The following PUDP variants were observed in gnomAD, a reference collection of about 807,000 sequenced individuals.
PUDP encodes pseudouridine-5'-phosphatase.
In PUDP, 8 loss-of-function variants were observed where a neutral mutation model predicts 9.4. That is an observed-to-expected ratio of 0.85 (90% CI 0.50 to 1.53). The LOEUF is 1.53. Ranked by LOEUF, PUDP falls within the 40% of genes most tolerant of loss-of-function variation. The pLI is 0.00. For synonymous variants in PUDP, 99 were observed against 80.7 expected, an observed-to-expected ratio of 1.23 and a Z score of -1.22; for missense variants, 188 against 189.7, an observed-to-expected ratio of 0.99 and a Z score of 0.05.
At chrX:6,850,721 G>A (rs1449451198) in intron 3 of PUDP, among the ~76,000 whole-genome samples, 1 of 112,213 alleles carries the variant, frequency 8.9e-6, no homozygotes, top group Non-Finnish European at 1.9e-5. Context: ...GTATTCTTTA[G>A]GGCTTCTCCA....
chrX:6,794,315 T>G (rs1269332101), intron 3 of PUDP, among the ~76,000 whole-genome samples: 1 of 111,983 alleles, frequency 8.9e-6, no homozygotes, highest in Admixed American at 9.5e-5. Context: ...TGTAACACAA[T>G]AGTATTTATG....
At chrX:6,774,567 C>G (rs1304502648) in intron 3 of PUDP, among the ~76,000 whole-genome samples, 1 of 111,922 alleles carries the variant, frequency 8.9e-6, no homozygotes, top group Non-Finnish European at 1.9e-5. Context: ...GCTTTGTTGC[C>G]TATGTCAACC....
At position 6,809,208 on chromosome X, in the gene PUDP, C is replaced by T. The variant is rs767303821; in HGVS notation, c.*248-102742G>A. Among the ~76,000 whole-genome samples the T allele has an allele frequency of 2.8e-3, 307 of 111,325 alleles. 1 individual carries two copies. Among genetic ancestry groups the T allele is most frequent in the African/African-American group, 9.5e-3 (290 of 30,656 alleles). The stretch of plus-strand genomic sequence containing the variant: ...AAGTTGCCACAGAAAAATGTCCCTT[C>T]TTAGTGGAGAAGAGAGACCACAGGG... On this transcript the variant is annotated intron_variant and NMD_transcript_variant, in intron 3 of 3. Transcript: ENST00000655425.
At chrX:6,990,985 G>A (rs1444420685) in intron 1 of PUDP, among the ~76,000 whole-genome samples, 4 of 112,605 alleles carry the variant, frequency 3.6e-5, no homozygotes, top group Admixed American at 9.3e-5. Flanking sequence ...CAAGAGTGCT[G>A]ATAGTTGCTT....
intron 1 of PUDP, among the ~76,000 whole-genome samples, chrX:7,108,360 G>A (rs773997677): frequency 1.8e-5 from 2 of 111,929 alleles, no homozygotes; most frequent in Admixed American, 9.4e-5. Flanking sequence ...CCTGGGATGG[G>A]GCTGAGGCTG....
At chrX:7,026,685 AGT>A (rs1929715445) in intron 1 of PUDP, among the ~76,000 whole-genome samples, 1 of 111,289 alleles carries the variant, frequency 9.0e-6, no homozygotes, top group African/African-American at 3.3e-5. Context: ...CACCATTGGG[AGT>A]GGGTGCAACT....
intron 1 of PUDP, among the ~76,000 whole-genome samples, chrX:7,016,443 C>T (rs1443852928): frequency 9.0e-6 from 1 of 111,435 alleles, no homozygotes; most frequent in Non-Finnish European, 1.9e-5. Flanking sequence ...GCCTGTCATA[C>T]ACCTTTGGTG....
intron 1 of PUDP, among the ~76,000 whole-genome samples, chrX:6,992,127 G>A (rs945651705): frequency 9.0e-6 from 1 of 110,800 alleles, no homozygotes. Context: ...AAGTTGTTGA[G>A]CTTGAAAGCG....
At chrX:7,066,472 A>G in intron 3 of PUDP, among the ~76,000 whole-genome samples, 1 of 111,415 alleles carries the variant, frequency 9.0e-6, no homozygotes, top group South Asian at 3.9e-4. Flanking sequence ...ACCTCAGATC[A>G]TCAGGCATTA....
At chrX:6,720,285 T>TATAC (rs1426090467) in intron 1 of PUDP, among the ~76,000 whole-genome samples, 1 of 89,928 alleles carries the variant, frequency 1.1e-5, no homozygotes, top group African/African-American at 4.3e-5. Flanking sequence ...TATATATATA[T>TATAC]ATACACACAC....
In PUDP at chrX:7,118,872, C is replaced by T. The variant is rs185990392; in HGVS notation, c.62-13034G>A. ...ATGTTGACTGGGTACCTACTTTGTG[C>T]TAGGCACCAAGAAAAATGTGACAAC... On this transcript the variant is annotated intron_variant, in intron 1 of 3. Transcript: ENST00000381077. Among the ~76,000 whole-genome samples, 6 of 112,108 alleles carry T rather than the reference C, an allele frequency of 5.4e-5. No homozygotes were observed. The East Asian group carries it at 1.7e-3, about 31-fold the overall frequency.
At chrX:6,947,381 AC>A (rs1928484572) in intron 3 of PUDP, among the ~76,000 whole-genome samples, 1 of 112,328 alleles carries the variant, frequency 8.9e-6, no homozygotes, top group African/African-American at 3.2e-5. Context: ...GGAGGGTGCA[AC>A]TACAAATGGC....
chrX:6,812,202 T>C (rs753012618), intron 3 of PUDP, among the ~76,000 whole-genome samples: 2 of 112,035 alleles, frequency 1.8e-5, no homozygotes, highest in South Asian at 3.8e-4. Context: ...TCATCCACCA[T>C]CTTCAGACTC....
intron 2 of PUDP, 66 bp from the exon 3 acceptor site, chrX:7,077,515 G>A: frequency 3.6e-6 from 3 of 844,542 alleles, no homozygotes; most frequent in Non-Finnish European, 5.2e-6. Context: ...TTCTTGCAGG[G>A]ACAGTCCCTC....
intron 3 of PUDP, among the ~76,000 whole-genome samples, chrX:6,832,507 T>A (rs1926517853): frequency 8.9e-6 from 1 of 112,094 alleles, no homozygotes; most frequent in Admixed American, 9.5e-5. Context: ...AATTTTTCTC[T>A]AAACTGGCAT....
intron 3 of PUDP, among the ~76,000 whole-genome samples, chrX:6,899,692 G>C (rs942780452): frequency 9.1e-6 from 1 of 110,040 alleles, no homozygotes; most frequent in African/African-American, 3.3e-5. Flanking sequence ...TGATGATGAT[G>C]ATGATGATGA....
intron 3 of PUDP, among the ~76,000 whole-genome samples, chrX:6,817,058 A>G (rs1377890027): frequency 9.8e-6 from 1 of 101,968 alleles, no homozygotes; most frequent in Non-Finnish European, 2.0e-5. Flanking sequence ...TATACACTAT[A>G]TAGTATATAC....
intron 3 of PUDP, among the ~76,000 whole-genome samples, chrX:6,892,745 G>A (rs916454778): frequency 9.0e-6 from 1 of 111,279 alleles, no homozygotes; most frequent in African/African-American, 3.3e-5. Context: ...CATAAGGATG[G>A]GACTCTAATT....
intron 1 of PUDP, among the ~76,000 whole-genome samples, chrX:7,132,373 T>C (rs189821000): frequency 2.9e-4 from 33 of 112,151 alleles, no homozygotes; most frequent in East Asian, 2.5e-3. Flanking sequence ...ACCTAAATGC[T>C]GGGAATGTTA....
Sources: gnomAD v4.1 joint callset for allele counts (sites outside exome capture counted in the v4.1 genomes callset) on GRCh38, gnomAD v4.1.1 for gene constraint, MANE v1.5 for transcripts, NCBI Gene and HGNC (gene_info 2026-07-23, HGNC 2026-07-21) for gene names.